Variants in SLC12A6 observed in about 807,000 individuals in gnomAD.
SLC12A6 encodes solute carrier family 12 member 6.
Under a neutral mutation model 135.3 loss-of-function variants are expected in SLC12A6, and 66 were observed. That is an observed-to-expected ratio of 0.49 (90% CI 0.40 to 0.60). SLC12A6 has a LOEUF of 0.60. Among genes scored for constraint, SLC12A6 ranks in the 20% least tolerant of loss-of-function variants. The pLI, the probability that SLC12A6 is intolerant of heterozygous loss-of-function variation, is 0.00. For missense variants in SLC12A6, 1,058 were observed against 1,452.3 expected, an observed-to-expected ratio of 0.73 and a Z score of 4.41; for synonymous variants, 513 against 508.8, an observed-to-expected ratio of 1.01 and a Z score of -0.11.
intron 2 of SLC12A6, among the ~76,000 whole-genome samples, chr15:34,322,978 CAA>C (rs1218702689): frequency 6.0e-3 from 233 of 38,930 alleles, no homozygotes; most frequent in African/African-American, 0.021. Flanking sequence ...AACTCTGTCT[CAA>C]AAAAAAAAAA....
chr15:34,305,572 CA>C (rs960891990), intron 2 of SLC12A6, among the ~76,000 whole-genome samples: 1 of 151,692 alleles, frequency 6.6e-6, no homozygotes, highest in African/African-American at 2.4e-5. Flanking sequence ...GAATACAAGA[CA>C]AAAAAGTTCC....
rs540244785 is a variant in SLC12A6, at chr15:34,319,061, C to T, written c.271+17349G>A. ...TATTTCCTTCACTGAAGTTGTCATT[C>T]TTATCTGCATGTCATGATCTCAACC... On this transcript the variant is annotated intron_variant, in intron 2 of 25. Coordinates refer to ENST00000354181, the MANE Select transcript of SLC12A6 (RefSeq NM_001365088.1). Among the ~76,000 whole-genome samples the T allele has an allele frequency of 6.1e-4, 92 of 151,944 alleles. 1 individual carries two copies. The highest frequency in any genetic ancestry group is 2.5e-3 in the South Asian group (12 of 4,816).
At chr15:34,280,169 CA>C (rs1413135910) in intron 2 of SLC12A6, among the ~76,000 whole-genome samples, 1 of 152,112 alleles carries the variant, frequency 6.6e-6, no homozygotes, top group Non-Finnish European at 1.5e-5. Flanking sequence ...CTTTGTTTAC[CA>C]TCATTGGCAG....
At chr15:34,325,248 A>G (rs1459424510) in intron 2 of SLC12A6, among the ~76,000 whole-genome samples, 1 of 152,206 alleles carries the variant, frequency 6.6e-6, no homozygotes, top group African/African-American at 2.4e-5. Context: ...TTCCTTATTT[A>G]TCATATTCAG....
At chr15:34,288,776 C>T (rs182255765) in intron 2 of SLC12A6, among the ~76,000 whole-genome samples, 4 of 152,260 alleles carry the variant, frequency 2.6e-5, no homozygotes, top group Non-Finnish European at 5.9e-5. Flanking sequence ...CATGATTTGG[C>T]TCTCTGTTTG....
At chr15:34,297,353 C>G (rs369914972) in intron 2 of SLC12A6, among the ~76,000 whole-genome samples, 3 of 152,050 alleles carry the variant, frequency 2.0e-5, no homozygotes, top group Admixed American at 1.3e-4. Flanking sequence ...TAAATAAACA[C>G]AAAGATGATC....
chr15:34,297,610 T>C (rs1222440245), intron 2 of SLC12A6, among the ~76,000 whole-genome samples: 1 of 152,168 alleles, frequency 6.6e-6, no homozygotes, highest in Non-Finnish European at 1.5e-5. Flanking sequence ...CAGGAAGCAG[T>C]GTGAGGGTCC....
intron 3 of SLC12A6, among the ~76,000 whole-genome samples, chr15:34,268,737 C>T (rs1239072844): frequency 6.6e-6 from 1 of 152,118 alleles, no homozygotes; most frequent in Non-Finnish European, 1.5e-5. Context: ...TATTCCAGGG[C>T]TCTTTTAGGA....
At chr15:34,300,574 A>G (rs533111005) in intron 2 of SLC12A6, among the ~76,000 whole-genome samples, 1 of 152,162 alleles carries the variant, frequency 6.6e-6, no homozygotes, top group South Asian at 2.1e-4. Flanking sequence ...AGGCAAGAGG[A>G]TCACTTGAGC....
At chr15:34,322,856 T>C (rs1889196116) in intron 2 of SLC12A6, among the ~76,000 whole-genome samples, 1 of 151,304 alleles carries the variant, frequency 6.6e-6, no homozygotes. Flanking sequence ...TGAGCGCCTG[T>C]AACCCCAGCT....
At chr15:34,328,496 A>G (rs138559888) in intron 2 of SLC12A6, among the ~76,000 whole-genome samples, 1,801 of 152,334 alleles carry the variant, frequency 0.012, 14 homozygotes, top group Middle Eastern at 0.037. Flanking sequence ...CTGAACTACC[A>G]TTAAGGCAAG....
At chr15:34,317,523 T>C (rs1164490377) in intron 2 of SLC12A6, among the ~76,000 whole-genome samples, 3 of 152,034 alleles carry the variant, frequency 2.0e-5, no homozygotes, top group African/African-American at 7.2e-5. Flanking sequence ...GCCAAAAAGG[T>C]GAAACCTTGT....
intron 3 of SLC12A6, among the ~76,000 whole-genome samples, chr15:34,269,804 A>G (rs1374863860): frequency 6.6e-6 from 1 of 152,180 alleles, no homozygotes; most frequent in Non-Finnish European, 1.5e-5. Flanking sequence ...GTAGGGAGGA[A>G]AACTACTTCA....
upstream of SLC12A6, chr15:34,337,797 C>G (rs1456113703): frequency 6.6e-6 from 1 of 152,200 alleles, no homozygotes; most frequent in Non-Finnish European, 1.5e-5. Context: ...AGAGCCGCGG[C>G]GCGCGCAGGG....
chr15:34,253,115 A>G (rs1365195489), intron 9 of SLC12A6, among the ~76,000 whole-genome samples: 2 of 152,260 alleles, frequency 1.3e-5, no homozygotes, highest in Non-Finnish European at 2.9e-5. Flanking sequence ...TAATACATCC[A>G]TAGTTAAAAT....
chr15:34,233,870 T>C lies in SLC12A6; in HGVS notation c.*11A>G. 3.4e-6 allele frequency: 5 copies of C among 1,486,086 alleles called. No homozygotes were observed. Among genetic ancestry groups the C allele is most frequent in the Non-Finnish European group, 4.7e-6 (5 of 1,062,986 alleles). 92.1% of individuals were successfully genotyped at this position (1,486,086 alleles called of 1,614,324 possible). A position where few individuals can be genotyped will look rare whatever the true frequency, so the allele number is the denominator to read the frequency against. ...TAAGAAAACAGGTCAAGCACGGTCA[T>C]TCAGAGTAGGTTATGAATAAATGGT... On this transcript the variant is annotated 3_prime_UTR_variant, in exon 26 of 26. Coordinates refer to ENST00000354181, the MANE Select transcript of SLC12A6 (RefSeq NM_001365088.1).
intron 2 of SLC12A6, among the ~76,000 whole-genome samples, chr15:34,294,489 G>A (rs772420336): frequency 2.3e-4 from 35 of 152,144 alleles, no homozygotes; most frequent in African/African-American, 4.3e-4. Context: ...ACTCTTGACC[G>A]CGTGATTCAC....
rs767245568 is a variant in SLC12A6, at chr15:34,238,324, C to T, written c.2710G>A (p.Glu904Lys). The T allele has an allele frequency of 1.9e-6, 3 of 1,613,760 alleles. No homozygotes were observed. Among genetic ancestry groups the T allele is most frequent in the South Asian group, 2.2e-5 (2 of 91,076 alleles). ...TCAATGTTGCCCTCAGAAAATTGCTCCACATTGCTGGGAAAGAAGGAGATG... is the reference window on the plus strand; with the variant it reads ...TCAATGTTGCCCTCAGAAAATTGCTTCACATTGCTGGGAAAGAAGGAGATG... ...KNISFFPSNV[E>K]QFSEGNIDVW... The change falls in exon 21 of 26, where the codon GAG (glutamate) becomes AAG (lysine). Residue 904 changes from glutamate (E) to lysine (K), a missense_variant. Physicochemically the swap from Glu to Lys is moderately conservative, Grantham distance 56 (BLOSUM62 1). Transcript: ENST00000354181.
At position 34,332,639 on chromosome 15, in the gene SLC12A6, C is replaced by T. The variant is rs528719229; in HGVS notation, c.271+3771G>A. ...TCTCTCCTAAAACACAAAATTTAGC[C>T]GGGTGTGGTTGCAGATGCCTGTAAT... is the stretch of plus-strand genomic sequence containing the variant. On this transcript the variant is annotated intron_variant, in intron 2 of 25. Coordinates refer to ENST00000354181, the MANE Select transcript of SLC12A6 (RefSeq NM_001365088.1). Among the ~76,000 whole-genome samples, 37 of 152,082 alleles carry T rather than the reference C, an allele frequency of 2.4e-4. 1 individual carries two copies. Among genetic ancestry groups the T allele is most frequent in the Admixed American group, 1.0e-3 (16 of 15,272 alleles).
Sources: gnomAD v4.1 joint callset for allele counts (sites outside exome capture counted in the v4.1 genomes callset) on GRCh38, gnomAD v4.1.1 for gene constraint, MANE v1.5 for transcripts, NCBI Gene and HGNC (gene_info 2026-07-23, HGNC 2026-07-21) for gene names.